CD96: variants seen among roughly 807,000 people sequenced by gnomAD.
CD96 encodes the protein CD96 molecule.
CD96 carries 70 observed loss-of-function variants against 71.3 expected under a neutral mutation model. That is an observed-to-expected ratio of 0.98 (90% CI 0.81 to 1.20). The LOEUF is 1.20. CD96 is among the 50% of genes most tolerant of loss of function. The pLI, the probability that CD96 is intolerant of heterozygous loss-of-function variation, is 0.00. For synonymous variants in CD96, 248 were observed against 233.0 expected, an observed-to-expected ratio of 1.06 and a Z score of -0.59; for missense variants, 742 against 677.5, an observed-to-expected ratio of 1.10 and a Z score of -1.06.
At chr3:111,641,005 C>A (rs1307489560) in intron 12 of CD96, among the ~76,000 whole-genome samples, 1 of 152,166 alleles carries the variant, frequency 6.6e-6, no homozygotes, top group Non-Finnish European at 1.5e-5. Context: ...GAAACAAATC[C>A]TGGAAACACA....
At chr3:111,642,788 C>G (rs1057184635) in intron 12 of CD96, among the ~76,000 whole-genome samples, 1 of 151,594 alleles carries the variant, frequency 6.6e-6, no homozygotes, top group African/African-American at 2.4e-5. Flanking sequence ...GCCTGGGTGA[C>G]AAACTGAGAC....
intron 8 of CD96, among the ~76,000 whole-genome samples, chr3:111,608,033 G>T (rs1937709953): frequency 6.6e-6 from 1 of 152,136 alleles, no homozygotes; most frequent in African/African-American, 2.4e-5. Context: ...ATGGTTTCTG[G>T]GGGTCAGAAA....
chr3:111,644,932 C>T (rs2107778686), intron 12 of CD96, among the ~76,000 whole-genome samples: 1 of 152,272 alleles, frequency 6.6e-6, no homozygotes, highest in Admixed American at 6.5e-5. Context: ...ACTAGTACAG[C>T]CACTATAGAA....
chr3:111,605,342 G>C lies in CD96; in HGVS notation c.1088-1358G>C, dbSNP rs557733503. ...AGGAAACCACATAAATTAAGATCAAGAAGTCCCAGAAGTCACAGAGAGAAT... is the reference window on the plus strand; with the variant it reads ...AGGAAACCACATAAATTAAGATCAACAAGTCCCAGAAGTCACAGAGAGAAT... On this transcript the variant is annotated intron_variant, in intron 7 of 13. Coordinates refer to ENST00000352690, the MANE Select transcript of CD96 (RefSeq NM_005816.5). Among the ~76,000 whole-genome samples, 6 of 152,266 alleles carry C rather than the reference G, an allele frequency of 3.9e-5. No individual in the cohort carries two copies. In the South Asian group the frequency reaches 1.0e-3, roughly 26 times the overall value.
chr3:111,547,896 T>C (rs200639424), intron 2 of CD96, among the ~76,000 whole-genome samples: 2 of 152,110 alleles, frequency 1.3e-5, no homozygotes, highest in East Asian at 3.9e-4. Context: ...TGACCACAAA[T>C]GTAAGCCTGG....
At chr3:111,556,175 T>A (rs1053040745) in intron 2 of CD96, among the ~76,000 whole-genome samples, 2 of 152,300 alleles carry the variant, frequency 1.3e-5, no homozygotes, top group South Asian at 4.1e-4. Flanking sequence ...CATATTTTGC[T>A]TTAATACTTT....
chr3:111,624,377 A>G lies in CD96; in HGVS notation c.1294A>G (p.Thr432Ala). 5.0e-6 allele frequency: 8 copies of G among 1,611,412 alleles called. No individual in the cohort carries two copies. The highest frequency in any genetic ancestry group is 6.8e-6 in the Non-Finnish European group (8 of 1,177,622). The change falls in exon 10 of 14, where the codon ACC becomes GCC. Residue 432 changes from threonine to alanine, a missense_variant. Thr to Ala is a moderately conservative substitution (Grantham distance 58). Transcript: ENST00000352690. ...MTTRGFNYPW[T>A]SSGTDTKKSV... ...TACCCGAGGCTTCAACTATCCCTGG[A>G]CCTCCAGTGGGACAGATACCAAAAA...
chr3:111,663,779 C>T (rs955319627), intron 14 of CD96, among the ~76,000 whole-genome samples: 2 of 145,406 alleles, frequency 1.4e-5, no homozygotes, highest in Admixed American at 1.4e-4. Context: ...GATGGAGTCT[C>T]GCTCTGTTGC....
chr3:111,549,505 T>C (rs1489445817), intron 2 of CD96, among the ~76,000 whole-genome samples: 1 of 152,122 alleles, frequency 6.6e-6, no homozygotes, highest in Non-Finnish European at 1.5e-5. Context: ...GGTTCAAGTG[T>C]AGAGAATGAA....
At chr3:111,599,562 A>T (rs903720330) in intron 6 of CD96, among the ~76,000 whole-genome samples, 1 of 152,122 alleles carries the variant, frequency 6.6e-6, no homozygotes, top group Non-Finnish European at 1.5e-5. Context: ...TCTACTAAAA[A>T]TACAAAAAAA....
rs1937337593 is a variant in CD96 at position 111,598,067 on chromosome 3, A to G, written c.808-53A>G. On this transcript the variant is annotated intron_variant, in intron 5 of 13. Transcript: ENST00000352690. ...ATATGAATGTTAGTAAGTTGTAAGGAGTACCAGTTTCTTAGGAATTTGCAA... is the reference window on the plus strand; with the variant it reads ...ATATGAATGTTAGTAAGTTGTAAGGGGTACCAGTTTCTTAGGAATTTGCAA... 37 of 808,726 alleles carry G rather than the reference A, an allele frequency of 4.6e-5. 1 individual carries two copies. Among genetic ancestry groups the G allele is most frequent in the South Asian group, 4.4e-4 (33 of 74,792 alleles). 50.1% of individuals were successfully genotyped at this position (808,726 alleles called of 1,614,324 possible).
At chr3:111,645,126 C>G (rs1236088342) in intron 12 of CD96, among the ~76,000 whole-genome samples, 2 of 151,930 alleles carry the variant, frequency 1.3e-5, no homozygotes, top group East Asian at 1.9e-4. Flanking sequence ...GCCCATCAAT[C>G]AATGAGTGGA....
chr3:111,620,060 T>C (rs764388566), intron 8 of CD96, among the ~76,000 whole-genome samples: 2 of 152,216 alleles, frequency 1.3e-5, no homozygotes, highest in African/African-American at 2.4e-5. Context: ...ATCCATGACA[T>C]GTGAGACCAC....
chr3:111,622,614 G>A (rs58164201), intron 8 of CD96, among the ~76,000 whole-genome samples: 2 of 152,160 alleles, frequency 1.3e-5, no homozygotes, highest in African/African-American at 2.4e-5. Flanking sequence ...ACATAACTGA[G>A]GTACCAGGAA....
intron 8 of CD96, among the ~76,000 whole-genome samples, chr3:111,609,569 A>G (rs1309408330): frequency 6.6e-6 from 1 of 152,204 alleles, no homozygotes; most frequent in Non-Finnish European, 1.5e-5. Context: ...CAGTGCTTAC[A>G]AACACAATTC....
intron 2 of CD96, among the ~76,000 whole-genome samples, chr3:111,552,678 G>T (rs1410618478): frequency 6.6e-6 from 1 of 152,102 alleles, no homozygotes; most frequent in Non-Finnish European, 1.5e-5. Flanking sequence ...ACAAAAATAG[G>T]CAACAAGCCA....
In CD96 at chr3:111,542,207, G is replaced by A; in HGVS notation, c.-42G>A. 6.3e-7 allele frequency: 1 copy of A among 1,582,666 alleles called. No individual in the cohort carries two copies. The highest frequency in any genetic ancestry group is 8.7e-7 in the Non-Finnish European group (1 of 1,151,400). ...TTGCTTGAAAACATCAATTGACTTT[G>A]TGATCATTACAGAAATGCTGGTGTA... is the stretch of plus-strand genomic sequence containing the variant. On this transcript the variant is annotated 5_prime_UTR_variant, in exon 1 of 14. The change creates a new upstream start codon in the 5' untranslated region. Coordinates refer to ENST00000352690, the MANE Select transcript of CD96 (RefSeq NM_005816.5).
At chr3:111,575,601 A>G (rs931860067) in intron 3 of CD96, among the ~76,000 whole-genome samples, 5 of 152,256 alleles carry the variant, frequency 3.3e-5, no homozygotes, top group Admixed American at 2.6e-4. Context: ...TTGTGCTGCT[A>G]CATGTAACAG....
chr3:111,562,053 C>T (rs1489073027), intron 2 of CD96, among the ~76,000 whole-genome samples: 31 of 152,222 alleles, frequency 2.0e-4, no homozygotes, highest in African/African-American at 5.5e-4. Flanking sequence ...GGCAATGCCT[C>T]GCCCTGCTTC....
Sources: allele counts gnomAD v4.1 joint callset (sites outside exome capture counted in the v4.1 genomes callset), GRCh38; gene constraint gnomAD v4.1.1; transcripts MANE v1.5; gene names NCBI Gene and HGNC (gene_info 2026-07-23, HGNC 2026-07-21).